SPSB4: variants seen among roughly 807,000 people sequenced by gnomAD.
The protein encoded by SPSB4 is splA/ryanodine receptor domain and SOCS box containing 4.
Under a neutral mutation model 20.9 loss-of-function variants are expected in SPSB4, and 21 were observed. The observed-to-expected ratio is 1.01, with a 90% CI of 0.71 to 1.45. The LOEUF is 1.45. SPSB4 is among the 40% of genes most tolerant of loss of function. The pLI is 0.00. For missense variants in SPSB4, 399 were observed against 399.2 expected (o/e 1.00, Z 0.00); for synonymous variants, 207 against 183.8 (o/e 1.13, Z -1.02).
Position 141,089,578 on chromosome 3 carries a change from A to G in SPSB4, c.694+22780A>G, listed in dbSNP as rs138029964. ...GGAGGAGATGAGTGTGGGGCAGGTA[A>G]GACAGTGAGCAGAGGTGGTGTTTTC... On this transcript the variant is annotated intron_variant, in intron 2 of 2. Coordinates refer to ENST00000310546, the MANE Select transcript of SPSB4 (RefSeq NM_080862.3). Among the ~76,000 whole-genome samples the G allele has an allele frequency of 3.1e-3, 466 of 152,304 alleles. 3 individuals are homozygous for G. The highest frequency in any genetic ancestry group is 0.019 in the South Asian group (90 of 4,830).
chr3:141,081,027 G>A (rs1435410175), intron 2 of SPSB4, among the ~76,000 whole-genome samples: 1 of 152,164 alleles, frequency 6.6e-6, no homozygotes, highest in African/African-American at 2.4e-5. Flanking sequence ...GGAGGGGATT[G>A]GATAAGATGA....
intron 2 of SPSB4, among the ~76,000 whole-genome samples, chr3:141,094,561 A>C (rs930036179): frequency 2.0e-5 from 3 of 152,106 alleles, no homozygotes; most frequent in African/African-American, 7.2e-5. Flanking sequence ...TAGAGGAGGC[A>C]ATTTTTTAAT....
chr3:141,110,153 C>CTT (rs1938773002), intron 2 of SPSB4, among the ~76,000 whole-genome samples: 1 of 152,190 alleles, frequency 6.6e-6, no homozygotes, highest in South Asian at 2.1e-4. Flanking sequence ...ACCCAGAGGC[C>CTT]TCAGCCCTGT....
rs115816494 is a variant in SPSB4 at position 141,106,755 on chromosome 3, T to G, written c.694+39957T>G. 4.6e-3 allele frequency among the ~76,000 whole-genome samples: 698 copies of G among 152,330 alleles called. 8 individuals are homozygous for G. The highest frequency in any genetic ancestry group is 0.016 in the African/African-American group (651 of 41,580). ...CTCTCCATTTCTCAGCTCTTCTTCCTTCGTGTCTAGTGGCACCTTAGGGGT... is the reference window on the plus strand; with the variant it reads ...CTCTCCATTTCTCAGCTCTTCTTCCGTCGTGTCTAGTGGCACCTTAGGGGT... On this transcript the variant is annotated intron_variant, in intron 2 of 2. Transcript: ENST00000310546.
chr3:141,077,016 C>T (rs1174416402), intron 2 of SPSB4: 1 of 152,174 alleles, frequency 6.6e-6, no homozygotes, highest in Non-Finnish European at 1.5e-5. Flanking sequence ...CTGGCGGCAG[C>T]CTTTATTTAC....
rs191446328 is a variant in SPSB4, at chr3:141,148,214, T to C, written c.*945T>C. 7.6e-3 allele frequency: 1,166 copies of C among 152,806 alleles called. 19 individuals are homozygous for C. The highest frequency in any genetic ancestry group is 0.027 in the African/African-American group (1,128 of 41,512). The allele number at this position is 152,806 out of a possible 1,614,324, so 9.5% of individuals were successfully genotyped here. A position where few individuals can be genotyped will look rare whatever the true frequency, so the allele number is the denominator to read the frequency against. On this transcript the variant is annotated 3_prime_UTR_variant, in exon 3 of 3. Transcript: ENST00000310546. The surrounding 1 kb of genome is among the most constrained non-coding windows in gnomAD (Gnocchi z 4.5). Reference sequence around the variant, plus strand: ...CGGCATGGCTGTCACAAAGCTTTATTTGAGCAAATTATTTTTTCACTTTAG... The same window carrying C: ...CGGCATGGCTGTCACAAAGCTTTATCTGAGCAAATTATTTTTTCACTTTAG...
In SPSB4 at chr3:141,066,255, C is replaced by A; in HGVS notation, c.151C>A (p.Gln51Lys). ...LDMPAAGLAV[Q>K]LRHAWNPEDR... is the part of the protein sequence containing the mutation. ...CATGCCAGCGGCGGGGCTGGCTGTG[C>A]AGCTGCGGCACGCGTGGAACCCCGA... The change falls in exon 2 of 3, where the codon CAG becomes AAG. Residue 51 changes from glutamine (Q) to lysine (K), a missense_variant. By Grantham distance (53) the Gln-to-Lys change is moderately conservative. Transcript: ENST00000310546. 1 of 1,539,480 alleles carries A rather than the reference C, an allele frequency of 6.5e-7. No individual in the cohort carries two copies. Among genetic ancestry groups the A allele is most frequent in the East Asian group, 2.5e-5 (1 of 40,534 alleles).
intron 2 of SPSB4, among the ~76,000 whole-genome samples, chr3:141,109,587 C>T (rs893708545): frequency 2.6e-5 from 4 of 152,088 alleles, no homozygotes; most frequent in African/African-American, 7.2e-5. Flanking sequence ...GCTGGTGTTT[C>T]CATCGGCCTC....
chr3:141,077,994 T>C (rs1938152034), intron 2 of SPSB4, among the ~76,000 whole-genome samples: 1 of 152,232 alleles, frequency 6.6e-6, no homozygotes, highest in Non-Finnish European at 1.5e-5. Context: ...CCTCATAATT[T>C]GAGGTGCCCC....
At chr3:141,065,173 T>A (rs1228259477) in intron 1 of SPSB4, among the ~76,000 whole-genome samples, 1 of 151,978 alleles carries the variant, frequency 6.6e-6, no homozygotes, top group African/African-American at 2.4e-5. Flanking sequence ...GAGAGAGGGA[T>A]TTGGACGCAG....
chr3:141,108,903 T>TGC (rs888604634), intron 2 of SPSB4, among the ~76,000 whole-genome samples: 3 of 152,176 alleles, frequency 2.0e-5, no homozygotes, highest in Non-Finnish European at 4.4e-5. Flanking sequence ...GGCTTTAAAT[T>TGC]GCACAGCAGC....
At chr3:141,055,768 G>A (rs1559836187) in intron 1 of SPSB4, among the ~76,000 whole-genome samples, 1 of 152,208 alleles carries the variant, frequency 6.6e-6, no homozygotes, top group Non-Finnish European at 1.5e-5. Context: ...CAGATTCCGA[G>A]GTGCACATGG....
intron 2 of SPSB4, among the ~76,000 whole-genome samples, chr3:141,102,558 C>G (rs1938628460): frequency 6.6e-6 from 1 of 152,038 alleles, no homozygotes; most frequent in South Asian, 2.1e-4. Context: ...TTCTAGGCAG[C>G]AGCAGCAGCA....
intron 2 of SPSB4, among the ~76,000 whole-genome samples, chr3:141,131,937 G>T (rs1260287758): frequency 6.6e-6 from 1 of 152,110 alleles, no homozygotes; most frequent in Non-Finnish European, 1.5e-5. Context: ...GAGCATTCTG[G>T]TTGCTCTACA....
At chr3:141,098,105 T>A (rs1938571200) in intron 2 of SPSB4, among the ~76,000 whole-genome samples, 1 of 152,202 alleles carries the variant, frequency 6.6e-6, no homozygotes, top group South Asian at 2.1e-4. Flanking sequence ...TATTTGCCAG[T>A]TTGTAGAGAA....
intron 2 of SPSB4, among the ~76,000 whole-genome samples, chr3:141,086,832 G>A (rs1938352250): frequency 6.6e-6 from 1 of 152,176 alleles, no homozygotes; most frequent in South Asian, 2.1e-4. Flanking sequence ...GAACACTATA[G>A]AGGCAGGTGG....
intron 2 of SPSB4, among the ~76,000 whole-genome samples, chr3:141,134,081 T>C (rs1939187523): frequency 7.5e-6 from 1 of 133,288 alleles, no homozygotes; most frequent in East Asian, 2.3e-4. Flanking sequence ...TTTTTGCAGC[T>C]GTTGTAAAAG....
intron 2 of SPSB4, among the ~76,000 whole-genome samples, chr3:141,143,984 A>C (rs1034007376): frequency 3.9e-5 from 6 of 152,388 alleles, no homozygotes; most frequent in Admixed American, 1.3e-4. Context: ...CCAAATTAAT[A>C]GCTCCTAACA....
Position 141,065,949 on chromosome 3 carries a change from C to T in SPSB4, c.-153-3C>T, listed in dbSNP as rs1166891571. The T allele has an allele frequency of 1.6e-6, 1 of 634,140 alleles. No individual in the cohort carries two copies. The highest frequency in any genetic ancestry group is 3.3e-5 in the East Asian group (1 of 30,036). The allele number at this position is 634,140 out of a possible 1,614,324, so 39.3% of individuals were successfully genotyped here. ...ATAACCCGTGCCCTTTGCTTCCTTCCAGGAGCTTGGGCCCCTGCCGCAGCC... is the reference window on the plus strand; with the variant it reads ...ATAACCCGTGCCCTTTGCTTCCTTCTAGGAGCTTGGGCCCCTGCCGCAGCC... On this transcript the variant is annotated splice_polypyrimidine_tract_variant and splice_region_variant and intron_variant, in intron 1 of 2. Coordinates refer to ENST00000310546, the MANE Select transcript of SPSB4 (RefSeq NM_080862.3).
Sources: gnomAD v4.1 joint callset for allele counts (sites outside exome capture counted in the v4.1 genomes callset) on GRCh38, gnomAD v4.1.1 for gene constraint, Gnocchi (gnomAD v3.1) non-coding constraint, MANE v1.5 for transcripts, NCBI Gene and HGNC (gene_info 2026-07-23, HGNC 2026-07-21) for gene names.